TFAP4: variants seen among roughly 807,000 people sequenced by gnomAD.
TFAP4 encodes the protein activating enhancer-binding protein 4.
TFAP4 carries 7 observed loss-of-function variants against 40.4 expected under a neutral mutation model. That is an observed-to-expected ratio of 0.17 (90% CI 0.10 to 0.33). The LOEUF is 0.33. TFAP4 is among the 10% of genes least tolerant of loss of function. The probability of loss-of-function intolerance (pLI) is 1.00; values close to 1 mark genes in which losing one functional copy is unlikely to be tolerated. For missense variants in TFAP4, 374 were observed against 451.1 expected, an observed-to-expected ratio of 0.83 and a Z score of 1.55; for synonymous variants, 218 against 181.4, an observed-to-expected ratio of 1.20 and a Z score of -1.62.
intron 6 of TFAP4, 26 bp downstream of exon 6, chr16:4,260,064 G>C: frequency 6.2e-7 from 1 of 1,600,222 alleles, no homozygotes; most frequent in South Asian, 1.1e-5. Context: ...ACCCCCACAA[G>C]CTGCCCCTTT....
chr16:4,258,229 G>A lies in TFAP4; in HGVS notation c.843C>T (p.Gly281=), dbSNP rs2052914812. The change falls in exon 7 of 7, where the codon GGC becomes GGT. Residue 281 remains glycine (G), a synonymous_variant. Coordinates refer to ENST00000204517, the MANE Select transcript of TFAP4 (RefSeq NM_003223.3). The part of the protein sequence containing the change: ...TIVQAIQHIE[G]TQEKQELEEE... Reference sequence around the variant, plus strand: ...CCTCCAGCTCCTGCTTTTCCTGGGTGCCCTCGATGTGCTGGATTGCCTGGA... The same window carrying A: ...CCTCCAGCTCCTGCTTTTCCTGGGTACCCTCGATGTGCTGGATTGCCTGGA... 6.2e-7 allele frequency: 1 copy of A among 1,602,810 alleles called. No individual in the cohort carries two copies. The highest frequency in any genetic ancestry group is 1.1e-5 in the South Asian group (1 of 90,012).
chr16:4,261,101 C>G (rs142911293), intron 4 of TFAP4, among the ~76,000 whole-genome samples: 1 of 151,610 alleles, frequency 6.6e-6, no homozygotes, highest in African/African-American at 2.4e-5. Flanking sequence ...CCTGAGTAAC[C>G]GGGACTACAG....
intron 4 of TFAP4, among the ~76,000 whole-genome samples, chr16:4,260,833 G>A (rs528783655): frequency 2.4e-4 from 37 of 152,304 alleles, no homozygotes; most frequent in Admixed American, 7.2e-4. Context: ...TCCCTCTGCC[G>A]GGAACACCTT....
chr16:4,262,901 A>C, intron 1 of TFAP4, 200 bp from the exon 2 acceptor site: 1 of 584,292 alleles, frequency 1.7e-6, no homozygotes, highest in Non-Finnish European at 3.0e-6. Context: ...CTCAGAACCC[A>C]CCCCGGGCCA....
At chr16:4,258,301 C>T in intron 6 of TFAP4, 52 bp from the exon 7 acceptor site, 1 of 1,500,816 alleles carries the variant, frequency 6.7e-7, no homozygotes, top group South Asian at 1.3e-5. Flanking sequence ...CATGGCCAGC[C>T]AGGAGACAGT....
At position 4,257,330 on chromosome 16, in the gene TFAP4, AAG is replaced by A. The variant is rs2052902093; in HGVS notation, c.*723_*724del. On this transcript the variant is annotated 3_prime_UTR_variant, in exon 7 of 7. Coordinates refer to ENST00000204517, the MANE Select transcript of TFAP4 (RefSeq NM_003223.3). ...AAATTGTAAAAAAAAAAAAAAAAGA[AAG>A]AAAAAAAAGAAAAACAAAACAAAAA... The A allele has an allele frequency of 1.3e-5, 2 of 150,856 alleles. No homozygotes were observed. Among genetic ancestry groups the A allele is most frequent in the African/African-American group, 2.4e-5 (1 of 40,922 alleles). The allele number at this position is 150,856 out of a possible 1,614,324, so 9.3% of individuals were successfully genotyped here.
chr16:4,258,099 C>A lies in TFAP4; in HGVS notation c.973G>T (p.Asp325Tyr). The A allele has an allele frequency of 6.2e-7, 1 of 1,613,656 alleles. No individual in the cohort carries two copies. The highest frequency in any genetic ancestry group is 8.5e-7 in the Non-Finnish European group (1 of 1,179,900). The change falls in exon 7 of 7, where the codon GAC (aspartate) becomes TAC (tyrosine). Residue 325 changes from aspartate to tyrosine, a missense_variant. Coordinates refer to ENST00000204517, the MANE Select transcript of TFAP4 (RefSeq NM_003223.3). ...DSEASDSDAM[D>Y]QSREEPSGDG... is the part of the protein sequence containing the mutation. ...CCCGACGGCTCCTCCCGGCTCTGGTCCATGGCGTCACTGTCTGAGGCCTCG... is the reference window on the plus strand; with the variant it reads ...CCCGACGGCTCCTCCCGGCTCTGGTACATGGCGTCACTGTCTGAGGCCTCG...
At chr16:4,268,990 C>G (rs2053018851) in intron 1 of TFAP4, among the ~76,000 whole-genome samples, 1 of 151,758 alleles carries the variant, frequency 6.6e-6, no homozygotes, top group East Asian at 2.0e-4. Flanking sequence ...CAGGCTCAAG[C>G]CATCCTCCTG....
chr16:4,272,561 C>A, intron 1 of TFAP4, 97 bp downstream of exon 1: 2 of 862,180 alleles, frequency 2.3e-6, no homozygotes, highest in Non-Finnish European at 1.6e-6. Flanking sequence ...GCGGGGTCGG[C>A]GGCGCGGGCC....
rs772257306 is a variant in TFAP4 at position 4,260,120 on chromosome 16, T to G, written c.792A>C (p.Thr264=). Reference sequence around the variant, plus strand: ...CGATGGTGTCCAGATTTTGCCGGGATGTGGAAACAGAGTTGATGACCGAGG... The same window carrying G: ...CGATGGTGTCCAGATTTTGCCGGGAGGTGGAAACAGAGTTGATGACCGAGG... ...GPSSVINSVS[T]SRQNLDTIVQ... is the part of the protein sequence containing the mutation. Residue 264 remains threonine, a synonymous_variant, in exon 6 of 7, where the codon ACA becomes ACC. Transcript: ENST00000204517. The G allele has an allele frequency of 6.2e-7, 1 of 1,609,202 alleles. No homozygotes were observed. The highest frequency in any genetic ancestry group is 1.3e-5 in the African/African-American group (1 of 74,122).
chr16:4,264,429 C>T (rs1406092783), intron 1 of TFAP4: 2 of 152,408 alleles, frequency 1.3e-5, no homozygotes, highest in African/African-American at 2.4e-5. Context: ...AAATCAGCCT[C>T]CTTCCGTCCT....
At chr16:4,258,503 C>A (rs1019475000) in intron 6 of TFAP4, 3 of 359,430 alleles carry the variant, frequency 8.3e-6, no homozygotes, top group Non-Finnish European at 1.5e-5. Context: ...AGTCAGACTC[C>A]TGGGCTCCAG....
At chr16:4,269,370 G>A (rs1015382658) in intron 1 of TFAP4, among the ~76,000 whole-genome samples, 5 of 151,718 alleles carry the variant, frequency 3.3e-5, no homozygotes, top group Non-Finnish European at 5.9e-5. Flanking sequence ...GTGGGCGCCT[G>A]TAGTCCCAGC....
At chr16:4,264,140 T>C (rs966222339) in intron 1 of TFAP4, 2 of 152,546 alleles carry the variant, frequency 1.3e-5, no homozygotes, top group East Asian at 3.8e-4. Context: ...TCCTGCTCCA[T>C]TGATGAAGGC....
chr16:4,271,299 C>T (rs943193935), intron 1 of TFAP4, among the ~76,000 whole-genome samples: 2 of 152,242 alleles, frequency 1.3e-5, no homozygotes, highest in Non-Finnish European at 2.9e-5. Flanking sequence ...TGTGCCACAC[C>T]GGCGGGCTCC....
At chr16:4,262,850 C>T in intron 1 of TFAP4, 149 bp from the exon 2 acceptor site, 4 of 862,884 alleles carry the variant, frequency 4.6e-6, no homozygotes, top group Non-Finnish European at 7.1e-6. Flanking sequence ...TCTGGGACAC[C>T]GGGGCGGACT....
chr16:4,267,337 C>T (rs2053006118), intron 1 of TFAP4: 1 of 152,412 alleles, frequency 6.6e-6, no homozygotes, highest in Admixed American at 6.5e-5. Flanking sequence ...CCCAGCCACA[C>T]CAAGGCTCTC....
intron 1 of TFAP4, among the ~76,000 whole-genome samples, chr16:4,272,003 C>T (rs2053044188): frequency 6.6e-6 from 1 of 151,818 alleles, no homozygotes; most frequent in South Asian, 2.1e-4. Flanking sequence ...TAAACAGCGC[C>T]CGGGCGCGGG....
At chr16:4,264,717 A>G (rs1318083723) in intron 1 of TFAP4, 2 of 152,366 alleles carry the variant, frequency 1.3e-5, no homozygotes, top group Non-Finnish European at 2.9e-5. Context: ...GCCCAGCCTT[A>G]GGGCGGAGTC....
Sources: allele counts gnomAD v4.1 joint callset (sites outside exome capture counted in the v4.1 genomes callset), GRCh38; gene constraint gnomAD v4.1.1; transcripts MANE v1.5; gene names NCBI Gene and HGNC (gene_info 2026-07-23, HGNC 2026-07-21).